The following LYSMD2 variants were observed in gnomAD, a reference collection of about 807,000 sequenced individuals.
The protein encoded by LYSMD2 is lysM and putative peptidoglycan-binding domain-containing protein 2.
Under a neutral mutation model 17.7 loss-of-function variants are expected in LYSMD2, and 6 were observed. The ratio of observed to expected loss-of-function variants is 0.34; its 90% CI spans 0.19 to 0.67. The LOEUF (loss-of-function observed/expected upper bound fraction) is 0.67. Among genes scored for constraint, LYSMD2 ranks in the 30% least tolerant of loss-of-function variants. LYSMD2 has a pLI of 0.69. For missense variants in LYSMD2, 237 were observed against 286.7 expected (o/e 0.83, Z 1.25); for synonymous variants, 102 against 129.8 (o/e 0.79, Z 1.45).
chr15:51,728,700 T>C (rs1266613776), intron 1 of LYSMD2, among the ~76,000 whole-genome samples: 1 of 151,864 alleles, frequency 6.6e-6, no homozygotes, highest in Non-Finnish European at 1.5e-5. Context: ...TGAAACCCCA[T>C]CTTTACTAAA....
chr15:51,734,938 G>A (rs2055599096), intron 1 of LYSMD2, among the ~76,000 whole-genome samples: 1 of 152,192 alleles, frequency 6.6e-6, no homozygotes, highest in African/African-American at 2.4e-5. Flanking sequence ...ACTTTGGGAG[G>A]CTGAGGTGGG....
intron 1 of LYSMD2, among the ~76,000 whole-genome samples, chr15:51,731,334 A>T (rs567931289): frequency 6.6e-6 from 1 of 152,356 alleles, no homozygotes; most frequent in South Asian, 2.1e-4. Flanking sequence ...GGCTCTATTT[A>T]TAGTTATCTT....
intron 1 of LYSMD2, among the ~76,000 whole-genome samples, chr15:51,746,888 T>C (rs1459065359): frequency 6.6e-6 from 1 of 151,824 alleles, no homozygotes; most frequent in African/African-American, 2.4e-5. Context: ...TTTTTTAAAA[T>C]AACACCTTAG....
chr15:51,750,231 G>C (rs1005959804), intron 1 of LYSMD2, among the ~76,000 whole-genome samples: 1 of 152,166 alleles, frequency 6.6e-6, no homozygotes, highest in African/African-American at 2.4e-5. Flanking sequence ...CCTTCACTCT[G>C]CCTGTCTCAC....
intron 1 of LYSMD2, among the ~76,000 whole-genome samples, chr15:51,733,176 A>G (rs2055587001): frequency 6.6e-6 from 1 of 151,754 alleles, no homozygotes; most frequent in Admixed American, 6.6e-5. Context: ...AATGTTCTTC[A>G]CCAGATATCT....
At chr15:51,748,305 C>T (rs934858534) in intron 1 of LYSMD2, among the ~76,000 whole-genome samples, 4 of 108,014 alleles carry the variant, frequency 3.7e-5, no homozygotes, top group Admixed American at 9.9e-5. Flanking sequence ...GAAAATGAGG[C>T]TTAAGGGAGG....
At chr15:51,742,595 C>T (rs1426007849), upstream of LYSMD2, among the ~76,000 whole-genome samples, 1 of 152,100 alleles carries the variant, frequency 6.6e-6, no homozygotes, top group Non-Finnish European at 1.5e-5. Context: ...ATAATTGTTT[C>T]CCAGTCTGTG....
intron 2 of LYSMD2, 95 bp from the exon 3 acceptor site, chr15:51,723,744 A>C (rs773138349): frequency 1.1e-6 from 1 of 896,762 alleles, no homozygotes; most frequent in Non-Finnish European, 1.7e-6. Context: ...TTGCCAAAGA[A>C]GGAATATATC....
At chr15:51,728,221 G>C (rs1460146552) in intron 1 of LYSMD2, among the ~76,000 whole-genome samples, 1 of 151,974 alleles carries the variant, frequency 6.6e-6, no homozygotes, top group Non-Finnish European at 1.5e-5. Context: ...AGACCAGCCT[G>C]ACCAACATAG....
intron 1 of LYSMD2, among the ~76,000 whole-genome samples, chr15:51,725,904 A>AT (rs2055537043): frequency 6.6e-6 from 1 of 152,132 alleles, no homozygotes; most frequent in Non-Finnish European, 1.5e-5. Flanking sequence ...TTAAAATGGG[A>AT]TTTTTGTCTG....
chr15:51,731,097 G>A (rs987286659), intron 1 of LYSMD2, among the ~76,000 whole-genome samples: 19 of 152,212 alleles, frequency 1.2e-4, no homozygotes, highest in African/African-American at 2.2e-4. Flanking sequence ...AGAGTGAGAG[G>A]AATGGATGGG....
upstream of LYSMD2, among the ~76,000 whole-genome samples, chr15:51,741,104 G>A (rs1209475526): frequency 1.3e-5 from 2 of 152,210 alleles, no homozygotes; most frequent in Non-Finnish European, 2.9e-5. Flanking sequence ...GGAAGAATTA[G>A]GAAGGAGGCT....
intron 1 of LYSMD2, among the ~76,000 whole-genome samples, chr15:51,727,771 T>C (rs2055549433): frequency 6.6e-6 from 1 of 152,202 alleles, no homozygotes; most frequent in African/African-American, 2.4e-5. Context: ...ACAAGCTTCC[T>C]AAAGTCAGGG....
rs369644748 is a variant in LYSMD2, at chr15:51,724,853, T to C, written c.542A>G (p.Gln181Arg). 6.8e-6 allele frequency: 11 copies of C among 1,614,118 alleles called. No homozygotes were observed. Among genetic ancestry groups the C allele is most frequent in the Middle Eastern group, 3.3e-4 (2 of 6,060 alleles). ...TAACTTAATCTGCAAGTCAAGTCTC[T>C]GCAGGAAATCTCTGGCTGACACTTC... ...PEEVSARDFL[Q>R]RLDLQIKLST... The change falls in exon 2 of 3, where the codon CAG (glutamine) becomes CGG (arginine). Residue 181 changes from glutamine to arginine, a missense_variant. Transcript: ENST00000267838.
At chr15:51,740,264 T>G, upstream of LYSMD2, among the ~76,000 whole-genome samples, 1 of 152,202 alleles carries the variant, frequency 6.6e-6, no homozygotes, top group South Asian at 2.1e-4. Flanking sequence ...TGGCCAGGCC[T>G]GTTTTTTTGT....
chr15:51,729,721 G>A (rs1434788556), intron 1 of LYSMD2, among the ~76,000 whole-genome samples: 1 of 152,244 alleles, frequency 6.6e-6, no homozygotes. Flanking sequence ...GTCTCCCAAA[G>A]TATTGGGATT....
At chr15:51,724,581 G>A (rs2055524276) in intron 2 of LYSMD2, among the ~76,000 whole-genome samples, 1 of 116,954 alleles carries the variant, frequency 8.6e-6, no homozygotes, top group African/African-American at 3.0e-5. Flanking sequence ...GAACTAAAAT[G>A]CAGTTTTTAA....
upstream of LYSMD2, among the ~76,000 whole-genome samples, chr15:51,739,444 C>G (rs2055632489): frequency 6.6e-6 from 1 of 152,120 alleles, no homozygotes. Context: ...CATGCATAAA[C>G]TTTTGGGTGG....
chr15:51,727,009 G>A (rs1164467699), intron 1 of LYSMD2, among the ~76,000 whole-genome samples: 1 of 152,112 alleles, frequency 6.6e-6, no homozygotes, highest in African/African-American at 2.4e-5. Flanking sequence ...TAGCCTTCCT[G>A]GTCTGACAAA....
Sources: allele counts gnomAD v4.1 joint callset (sites outside exome capture counted in the v4.1 genomes callset), GRCh38; gene constraint gnomAD v4.1.1; transcripts MANE v1.5; gene names NCBI Gene and HGNC (gene_info 2026-07-23, HGNC 2026-07-21).